Variants in FBXL18 observed in about 807,000 individuals in gnomAD.
The protein encoded by FBXL18 is F-box and leucine rich repeat protein 18, also known as F-box/LRR-repeat protein 18.
FBXL18 carries 36 observed loss-of-function variants against 46.0 expected under a neutral mutation model. The observed-to-expected ratio is 0.78, with a 90% confidence interval of 0.60 to 1.03. The LOEUF (loss-of-function observed/expected upper bound fraction) is 1.03. Ranked by LOEUF, FBXL18 falls within the 50% of genes least tolerant of loss-of-function variation. The pLI is 0.00. For missense variants in FBXL18, 977 were observed against 1,004.1 expected (o/e 0.97, Z 0.36); for synonymous variants, 557 against 465.3 (o/e 1.20, Z -2.54).
In FBXL18 at chr7:5,500,551, T is replaced by C; in HGVS notation, c.1718A>G (p.Lys573Arg). The part of the protein sequence containing the change: ...LSLANLGMMG[K>R]VVYMPALSDM... ...TGAGAGCGCGGGCATGTACACCACC[T>C]TCCCCATCATGCCCAGGTTGGCCAG... Residue 573 changes from lysine (K) to arginine (R), a missense_variant, in exon 3 of 5, where the codon AAG becomes AGG. Physicochemically the swap from Lys to Arg is conservative, Grantham distance 26 (BLOSUM62 2). Coordinates refer to ENST00000382368, the MANE Select transcript of FBXL18 (RefSeq NM_024963.6). The C allele has an allele frequency of 2.5e-6, 4 of 1,613,510 alleles. No homozygotes were observed. The highest frequency in any genetic ancestry group is 3.4e-6 in the Non-Finnish European group (4 of 1,179,860).
Position 5,513,694 on chromosome 7 carries a change from C to G in FBXL18, c.-20G>C, listed in dbSNP as rs751843959. On this transcript the variant is annotated 5_prime_UTR_variant, in exon 1 of 5. Transcript: ENST00000382368. ...GGCCATGTCGCCGGCGGGTCCGAAC[C>G]GCGGCCGCGGGATCCGCAACCCCGT... 13 of 1,598,984 alleles carry G rather than the reference C, an allele frequency of 8.1e-6. No individual in the cohort carries two copies. The highest frequency in any genetic ancestry group is 1.7e-5 in the Admixed American group (1 of 58,042).
At chr7:5,507,631 C>T in intron 1 of FBXL18, among the ~76,000 whole-genome samples, 1 of 151,478 alleles carries the variant, frequency 6.6e-6, no homozygotes, top group South Asian at 2.1e-4. Flanking sequence ...GTCAAGAGAT[C>T]GAGACCAGCC....
At chr7:5,490,739 C>T (rs1354778906) in intron 4 of FBXL18, among the ~76,000 whole-genome samples, 1 of 152,116 alleles carries the variant, frequency 6.6e-6, no homozygotes, top group South Asian at 2.1e-4. Flanking sequence ...CCGAGGCAGG[C>T]GGATCACCTG....
chr7:5,466,779 G>A (rs1783346846), intron 4 of FBXL18, among the ~76,000 whole-genome samples: 1 of 152,160 alleles, frequency 6.6e-6, no homozygotes, highest in Non-Finnish European at 1.5e-5. Flanking sequence ...AGGGAGGCAG[G>A]AGCCCGGGAC....
intron 4 of FBXL18, among the ~76,000 whole-genome samples, chr7:5,466,346 C>T (rs1215140549): frequency 6.6e-6 from 1 of 152,122 alleles, no homozygotes; most frequent in Non-Finnish European, 1.5e-5. Context: ...AAGTGCAGGC[C>T]GTGCTCCTCC....
chr7:5,485,377 A>T (rs2128234559), intron 4 of FBXL18, among the ~76,000 whole-genome samples: 1 of 152,322 alleles, frequency 6.6e-6, no homozygotes, highest in Non-Finnish European at 1.5e-5. Context: ...AAAAAGACTG[A>T]GTTTGGGAAA....
rs1264590692 is a variant in FBXL18 at position 5,501,373 on chromosome 7, T to C, written c.896A>G (p.Lys299Arg). ...NVVLDALQLP[K>R]SWLNGSSLLQ... ...GAGGGAAGAGCCGTTCAGCCAGGAC[T>C]TGGGCAGCTGCAGGGCATCCAGCAC... Residue 299 changes from lysine (K) to arginine (R), a missense_variant, in exon 3 of 5, where the codon AAG becomes AGG. By Grantham distance (26) the Lys-to-Arg change is conservative. Transcript: ENST00000382368. The C allele has an allele frequency of 2.5e-6, 4 of 1,613,828 alleles. No homozygotes were observed. The highest frequency in any genetic ancestry group is 3.4e-6 in the Non-Finnish European group (4 of 1,180,004).
At chr7:5,513,442 A>G (rs1469001792) in intron 1 of FBXL18, among the ~76,000 whole-genome samples, 1 of 151,872 alleles carries the variant, frequency 6.6e-6, no homozygotes, top group Non-Finnish European at 1.5e-5. Context: ...GCGAAGGGGG[A>G]GACAGCTTGT....
chr7:5,463,708 A>ATATATATATATATATATT (rs1562672194), intron 4 of FBXL18, among the ~76,000 whole-genome samples: 1 of 51,826 alleles, frequency 1.9e-5, no homozygotes, highest in Non-Finnish European at 3.4e-5. Context: ...ATATATATTT[A>ATATATATATATATATATT]TTTATTTATT....
In FBXL18 at chr7:5,491,323, G is replaced by A. The variant is rs11975313; in HGVS notation, c.1908C>T (p.Phe636=). The A allele has an allele frequency of 0.15, 237,306 of 1,611,932 alleles. 19,175 individuals carry two copies. Among genetic ancestry groups the A allele is most frequent in the African/African-American group, 0.27 (20,506 of 74,990 alleles). Residue 636 remains phenylalanine, a synonymous_variant, in exon 4 of 5, where the codon TTC becomes TTT. Coordinates refer to ENST00000382368, the MANE Select transcript of FBXL18 (RefSeq NM_024963.6). ...GTLQPDAVLA[F]MARCLQVVMC... is the part of the protein sequence containing the mutation. ...TGACAACCTGCAGGCAGCGAGCCAT[G>A]AAGGCCAGCACGGCATCGGGCTGGA...
At chr7:5,461,551 G>C (rs1193552571) in intron 4 of FBXL18, among the ~76,000 whole-genome samples, 1 of 152,196 alleles carries the variant, frequency 6.6e-6, no homozygotes, top group Non-Finnish European at 1.5e-5. Flanking sequence ...GCTGAAGTGG[G>C]AGGATTGCTT....
rs1783538493 is a variant in FBXL18 at position 5,477,284 on chromosome 7, G to C, written c.*4491C>G. ...CCCAGCGTCGTGGTCAAGGCTACCA[G>C]GAACTGGCAGCAGCGCTCTGCCCAC... On this transcript the variant is annotated 3_prime_UTR_variant, in exon 5 of 5. Transcript: ENST00000382368. The surrounding 1 kb of genome is among the most constrained non-coding windows in gnomAD (Gnocchi z 4.4). 6.6e-6 allele frequency among the ~76,000 whole-genome samples: 1 copy of C among 152,136 alleles called. No homozygotes were observed. Among genetic ancestry groups the C allele is most frequent in the Non-Finnish European group, 1.5e-5 (1 of 68,024 alleles).
chr7:5,500,639 C>T lies in FBXL18; in HGVS notation c.1630G>A (p.Val544Ile). ...RHLTLAQLPSVLTGSGLVNIG... is the reference protein window; with the variant it reads ...RHLTLAQLPSILTGSGLVNIG... ...TTGACCAGCCCGGAGCCCGTAAGGA[C>T]GCTGGGCAGCTGTGCGAGCGTCAGG... Residue 544 changes from valine (V) to isoleucine (I), a missense_variant, in exon 3 of 5, where the codon GTC becomes ATC. Coordinates refer to ENST00000382368, the MANE Select transcript of FBXL18 (RefSeq NM_024963.6). The T allele has an allele frequency of 1.2e-6, 2 of 1,612,790 alleles. No individual in the cohort carries two copies. Among genetic ancestry groups the T allele is most frequent in the South Asian group, 1.1e-5 (1 of 91,026 alleles).
intron 3 of FBXL18, among the ~76,000 whole-genome samples, chr7:5,492,600 T>C (rs752818289): frequency 9.2e-5 from 14 of 151,956 alleles, no homozygotes; most frequent in South Asian, 2.1e-4. Flanking sequence ...TGTGGCCTTA[T>C]TTGGAGGCAG....
At chr7:5,470,710 TGTCCCCTTCCCG>T (rs1265389663) in intron 4 of FBXL18, among the ~76,000 whole-genome samples, 2 of 1,328 alleles carry the variant, frequency 1.5e-3, no homozygotes, top group Admixed American at 0.011. Flanking sequence ...GGGGGGGAGA[TGTCCCCTTCCCG>T]GGGGGGAGAT....
At chr7:5,472,688 C>T (rs189962721), downstream of FBXL18, among the ~76,000 whole-genome samples, 6 of 152,272 alleles carry the variant, frequency 3.9e-5, no homozygotes, top group Admixed American at 3.3e-4. Context: ...ACCAGACCTG[C>T]GAGTGAAGAT....
At chr7:5,468,758 G>C (rs974127957) in intron 4 of FBXL18, among the ~76,000 whole-genome samples, 1 of 151,930 alleles carries the variant, frequency 6.6e-6, no homozygotes, top group Non-Finnish European at 1.5e-5. Context: ...GCACCACCAC[G>C]ACGGGCTAAC....
chr7:5,486,006 C>A (rs1214500492), intron 4 of FBXL18, among the ~76,000 whole-genome samples: 1 of 151,634 alleles, frequency 6.6e-6, no homozygotes, highest in East Asian at 1.9e-4. Context: ...TTGCAGTGAG[C>A]CGAGATTGTG....
chr7:5,458,253 CA>C (rs1170356706), intron 4 of FBXL18, among the ~76,000 whole-genome samples: 2 of 152,156 alleles, frequency 1.3e-5, no homozygotes, highest in Non-Finnish European at 2.9e-5. Context: ...AACCACCCCC[CA>C]AGGCCTTGCT....
Sources: allele counts gnomAD v4.1 joint callset (sites outside exome capture counted in the v4.1 genomes callset), GRCh38; gene constraint gnomAD v4.1.1; non-coding constraint Gnocchi (gnomAD v3.1); transcripts MANE v1.5; gene names NCBI Gene and HGNC (gene_info 2026-07-23, HGNC 2026-07-21).